Variants in SNTG1 observed in about 807,000 individuals in gnomAD.
SNTG1 encodes the protein syntrophin gamma 1, also known as gamma-1-syntrophin.
Under a neutral mutation model 74.7 loss-of-function variants are expected in SNTG1, and 39 were observed. The observed-to-expected ratio is 0.52, with a 90% CI of 0.40 to 0.68. The LOEUF (loss-of-function observed/expected upper bound fraction) is 0.68. SNTG1 is among the 30% of genes least tolerant of loss of function. The pLI is 0.00. For synonymous variants in SNTG1, 254 were observed against 217.1 expected (o/e 1.17, Z -1.49); for missense variants, 685 against 609.5 (o/e 1.12, Z -1.30).
At chr8:50,101,698 T>A (rs1306628112) in intron 1 of SNTG1, among the ~76,000 whole-genome samples, 4 of 151,838 alleles carry the variant, frequency 2.6e-5, no homozygotes, top group Non-Finnish European at 5.9e-5. Flanking sequence ...CCTAATGCTA[T>A]CCCTCCCCCC....
intron 1 of SNTG1, among the ~76,000 whole-genome samples, chr8:50,046,899 A>T (rs1340613135): frequency 2.0e-5 from 3 of 152,162 alleles, no homozygotes; most frequent in Non-Finnish European, 4.4e-5. Flanking sequence ...AAGTTTTTGC[A>T]TTATTTACAA....
chr8:50,786,545 T>C (rs775571727), intron 18 of SNTG1, among the ~76,000 whole-genome samples: 22 of 151,846 alleles, frequency 1.4e-4, no homozygotes, highest in Non-Finnish European at 2.5e-4. Flanking sequence ...ATAGCCAAAA[T>C]AATCTTGGCA....
rs188001575 is a variant in SNTG1 at position 49,971,323 on chromosome 8, A to T, written c.-103+59092A>T. Reference sequence around the variant, plus strand: ...CTTTGAAAAATTTCAACAACCCTTCATGCTGAAAACTCTCAATAAATTAGG... The same window carrying T: ...CTTTGAAAAATTTCAACAACCCTTCTTGCTGAAAACTCTCAATAAATTAGG... On this transcript the variant is annotated intron_variant, in intron 1 of 18. Coordinates refer to ENST00000642720, the MANE Select transcript of SNTG1 (RefSeq NM_018967.5). Among the ~76,000 whole-genome samples the T allele has an allele frequency of 3.6e-3, 547 of 152,300 alleles. 5 individuals carry two copies. Among genetic ancestry groups the T allele is most frequent in the African/African-American group, 0.013 (522 of 41,546 alleles).
chr8:50,225,024 G>A (rs2085256292), intron 2 of SNTG1, among the ~76,000 whole-genome samples: 1 of 151,766 alleles, frequency 6.6e-6, no homozygotes, highest in African/African-American at 2.4e-5. Flanking sequence ...AGGCTGGAGT[G>A]CAGTGGCGTG....
At chr8:50,584,247 CT>C (rs2094631967) in intron 12 of SNTG1, among the ~76,000 whole-genome samples, 1 of 72,538 alleles carries the variant, frequency 1.4e-5, no homozygotes, top group Non-Finnish European at 2.6e-5. Flanking sequence ...GTGCATGTGT[CT>C]TTATAGCAGC....
intron 2 of SNTG1, among the ~76,000 whole-genome samples, chr8:50,177,770 A>G (rs1278846375): frequency 6.6e-6 from 1 of 152,320 alleles, no homozygotes; most frequent in Non-Finnish European, 1.5e-5. Context: ...TTTGTGTTGC[A>G]GTGTTCTATG....
Position 50,638,428 on chromosome 8 carries a change from C to A in SNTG1, c.850-18481C>A, listed in dbSNP as rs184741821. Among the ~76,000 whole-genome samples, 84 of 152,128 alleles carry A rather than the reference C, an allele frequency of 5.5e-4. No homozygotes were observed. In the East Asian group the frequency reaches 0.014, roughly 25 times the overall value. ...TTATTTATAAATTATATATTCAAAG[C>A]TATCATATAATAAAATTGATTTTCC... On this transcript the variant is annotated intron_variant, in intron 13 of 18. Coordinates refer to ENST00000642720, the MANE Select transcript of SNTG1 (RefSeq NM_018967.5).
chr8:50,271,641 G>T (rs1370683519), intron 2 of SNTG1, among the ~76,000 whole-genome samples: 2 of 152,138 alleles, frequency 1.3e-5, no homozygotes, highest in East Asian at 1.9e-4. Flanking sequence ...CTTTCATCGG[G>T]ATGGTTCAAC....
intron 18 of SNTG1, among the ~76,000 whole-genome samples, chr8:50,761,767 A>C (rs914885912): frequency 1.3e-5 from 2 of 151,986 alleles, no homozygotes; most frequent in African/African-American, 2.4e-5. Flanking sequence ...TATGTTTCTG[A>C]ATGGCTGTTT....
intron 13 of SNTG1, among the ~76,000 whole-genome samples, chr8:50,629,513 A>G (rs1248006346): frequency 6.6e-6 from 1 of 152,028 alleles, no homozygotes; most frequent in Non-Finnish European, 1.5e-5. Context: ...GTCCATACTC[A>G]GTTAATTGAT....
intron 1 of SNTG1, among the ~76,000 whole-genome samples, chr8:50,031,827 T>C (rs1006767419): frequency 2.0e-5 from 3 of 152,140 alleles, no homozygotes; most frequent in Admixed American, 6.5e-5. Flanking sequence ...TAATACTGGC[T>C]GTATACAATG....
intron 11 of SNTG1, among the ~76,000 whole-genome samples, chr8:50,551,664 T>A (rs1334784002): frequency 6.6e-6 from 1 of 152,212 alleles, no homozygotes; most frequent in Non-Finnish European, 1.5e-5. Flanking sequence ...ATTATAACAT[T>A]CTTTTCATTC....
At chr8:50,321,331 CTGATA>C (rs1403344503) in intron 2 of SNTG1, among the ~76,000 whole-genome samples, 3 of 151,948 alleles carry the variant, frequency 2.0e-5, no homozygotes, top group Admixed American at 1.3e-4. Flanking sequence ...TCTATTTTGT[CTGATA>C]TAAGTGTAGC....
chr8:50,378,851 G>T (rs2092433346), intron 2 of SNTG1, among the ~76,000 whole-genome samples: 1 of 152,020 alleles, frequency 6.6e-6, no homozygotes. Context: ...GGCCTCAGAG[G>T]GGAGAAAGGG....
chr8:50,707,901 G>A (rs1023564344), intron 16 of SNTG1: 5 of 392,092 alleles, frequency 1.3e-5, no homozygotes, highest in Admixed American at 4.4e-5. Context: ...TTCAGTATCC[G>A]TATTTACTAT....
intron 17 of SNTG1, among the ~76,000 whole-genome samples, chr8:50,743,754 A>G (rs905949387): frequency 2.6e-5 from 4 of 151,916 alleles, no homozygotes. Context: ...CACACACATC[A>G]GATGTATTAG....
chr8:49,997,942 G>A (rs1814385832), intron 1 of SNTG1, among the ~76,000 whole-genome samples: 1 of 152,116 alleles, frequency 6.6e-6, no homozygotes, highest in African/African-American at 2.4e-5. Context: ...TACTTTCTGA[G>A]AAATGTGTTG....
intron 1 of SNTG1, among the ~76,000 whole-genome samples, chr8:49,919,466 C>T (rs1235995049): frequency 1.3e-5 from 2 of 152,022 alleles, no homozygotes; most frequent in Non-Finnish European, 1.5e-5. Flanking sequence ...AGAATCTACC[C>T]AAGATTTCTA....
At chr8:50,432,747 A>T (rs2131533765) in intron 4 of SNTG1, among the ~76,000 whole-genome samples, 1 of 151,494 alleles carries the variant, frequency 6.6e-6, no homozygotes, top group Non-Finnish European at 1.5e-5. Flanking sequence ...TTATACCAAA[A>T]TATTTTTCTT....
Sources: gnomAD v4.1 joint callset for allele counts (sites outside exome capture counted in the v4.1 genomes callset) on GRCh38, gnomAD v4.1.1 for gene constraint, MANE v1.5 for transcripts, NCBI Gene and HGNC (gene_info 2026-07-23, HGNC 2026-07-21) for gene names.